Variants in RAB40A observed in about 807,000 individuals in gnomAD.
The protein encoded by RAB40A is RAB40A, member RAS oncogene family, also known as ras-related protein Rab-40A.
For missense variants in RAB40A, 145 were observed against 230.2 expected (o/e 0.63, Z 2.40); for synonymous variants, 65 against 99.9 (o/e 0.65, Z 2.08).
rs199669744 is a variant in RAB40A at position 103,500,023 on chromosome X, G to C, written c.734C>G (p.Thr245Ser). ...GAGGCTGCTCTTGTGAGTGGAGCTG[G>C]TGGTGAGGGAGTAGGAGAGGCCTCG... ...MMRGLSYSLT[T>S]SSTHKSSLCK... is the part of the protein sequence containing the mutation. Residue 245 changes from threonine to serine, a missense_variant, in exon 3 of 3, where the codon ACC becomes AGC. Physicochemically the swap from Thr to Ser is moderately conservative, Grantham distance 58 (BLOSUM62 1). Coordinates refer to ENST00000304236, the MANE Select transcript of RAB40A (RefSeq NM_080879.3). The C allele has an allele frequency of 3.4e-5, 41 of 1,209,247 alleles. No individual in the cohort carries two copies. The highest frequency in any genetic ancestry group is 2.4e-4 in the Admixed American group (11 of 45,907).
At chrX:103,501,866 G>A (rs1278969796) in intron 2 of RAB40A, 1 of 121,289 alleles carries the variant, frequency 8.2e-6, no homozygotes, top group Non-Finnish European at 1.9e-5. Flanking sequence ...AAGGCTCTGT[G>A]TGTGTCTGTG....
chrX:103,508,249 G>A (rs1371395699), intron 2 of RAB40A, among the ~76,000 whole-genome samples: 1 of 111,653 alleles, frequency 9.0e-6, no homozygotes, highest in African/African-American at 3.3e-5. Flanking sequence ...AATAGCAGGG[G>A]AGTGGAATCT....
chrX:103,509,786 A>C (rs1194862929), intron 2 of RAB40A, among the ~76,000 whole-genome samples: 3 of 103,877 alleles, frequency 2.9e-5, no homozygotes, highest in African/African-American at 1.1e-4. Flanking sequence ...TTTTTGTATA[A>C]ATGTATTAAC....
In RAB40A at chrX:103,500,573, G is replaced by A. The variant is rs2073219854; in HGVS notation, c.184C>T (p.Arg62Trp). Residue 62 changes from arginine to tryptophan, a missense_variant, in exon 3 of 3, where the codon CGG (arginine) becomes TGG (tryptophan). Transcript: ENST00000304236. ...KTTTILLDGQ[R>W]VKLKLWDTSG... Reference sequence around the variant, plus strand: ...GTATCCCAGAGCTTCAGCTTCACCCGCTGGCCGTCCAGCAGGATGGTGGTC... The same window carrying A: ...GTATCCCAGAGCTTCAGCTTCACCCACTGGCCGTCCAGCAGGATGGTGGTC... 3 of 1,211,360 alleles carry A rather than the reference G, an allele frequency of 2.5e-6. No individual in the cohort carries two copies. The highest frequency in any genetic ancestry group is 3.4e-6 in the Non-Finnish European group (3 of 895,365).
chrX:103,512,292 C>G (rs890138909), intron 2 of RAB40A, among the ~76,000 whole-genome samples: 8 of 108,663 alleles, frequency 7.4e-5, no homozygotes, highest in Non-Finnish European at 3.8e-5. Context: ...AATACAAAGC[C>G]TTAGTTTTGG....
intron 2 of RAB40A, chrX:103,501,697 T>C (rs1366061902): frequency 1.6e-5 from 2 of 123,393 alleles, no homozygotes; most frequent in African/African-American, 6.5e-5. Flanking sequence ...TGGCCAGTAA[T>C]CACAAGAAAA....
Position 103,500,291 on chromosome X carries a change from T to A in RAB40A, c.466A>T (p.Ser156Cys). 2 of 1,212,235 alleles carry A rather than the reference T, an allele frequency of 1.6e-6. No homozygotes were observed. Among genetic ancestry groups the A allele is most frequent in the African/African-American group, 1.7e-5 (1 of 57,948 alleles). Residue 156 changes from serine to cysteine, a missense_variant, in exon 3 of 3, where the codon AGC becomes TGC. Ser to Cys is a moderately radical substitution (Grantham distance 112). Transcript: ENST00000304236. ...ATGATGTTGAAATTGCACAGAGGGC[T>A]GACCTCAAAGAAGGTCACACCCAGG... is the stretch of plus-strand genomic sequence containing the variant. ...ERLGVTFFEV[S>C]PLCNFNIIES...
chrX:103,511,182 T>C (rs1432289472), intron 2 of RAB40A, among the ~76,000 whole-genome samples: 1 of 110,959 alleles, frequency 9.0e-6, no homozygotes, highest in Admixed American at 9.6e-5. Context: ...ATATACACCA[T>C]GGAATACTAT....
At chrX:103,502,130 A>C (rs1182200520) in intron 2 of RAB40A, 1 of 123,531 alleles carries the variant, frequency 8.1e-6, no homozygotes, top group Admixed American at 9.4e-5. Flanking sequence ...AGCATTGCTG[A>C]AATCTTTTTA....
At chrX:103,511,926 G>A (rs775172010) in intron 2 of RAB40A, among the ~76,000 whole-genome samples, 1 of 111,524 alleles carries the variant, frequency 9.0e-6, no homozygotes, top group Admixed American at 9.5e-5. Context: ...ACTTGTGGTC[G>A]TATAAGATAA....
chrX:103,514,898 T>A (rs945002514), intron 2 of RAB40A, among the ~76,000 whole-genome samples: 5 of 112,022 alleles, frequency 4.5e-5, no homozygotes, highest in African/African-American at 1.6e-4. Context: ...AAAAAGAGTA[T>A]TATGTTTGTA....
At chrX:103,517,103 C>T (rs905442851) in intron 2 of RAB40A, among the ~76,000 whole-genome samples, 2 of 111,632 alleles carry the variant, frequency 1.8e-5, no homozygotes, top group South Asian at 3.7e-4. Context: ...TGAAATTATA[C>T]GCTCAAAGAA....
intron 2 of RAB40A, among the ~76,000 whole-genome samples, chrX:103,515,634 T>C (rs2073312971): frequency 8.9e-6 from 1 of 112,245 alleles, no homozygotes; most frequent in African/African-American, 3.2e-5. Context: ...TGTAACTCAC[T>C]ACCATACCAT....
chrX:103,514,429 A>G (rs2073306488), intron 2 of RAB40A, among the ~76,000 whole-genome samples: 1 of 111,530 alleles, frequency 9.0e-6, no homozygotes, highest in Admixed American at 9.5e-5. Flanking sequence ...GGCTCAGCAC[A>G]GCCTTGACCT....
At chrX:103,519,176 A>G (rs1238565768) in intron 1 of RAB40A, among the ~76,000 whole-genome samples, 194 bp downstream of exon 1, 1 of 111,790 alleles carries the variant, frequency 8.9e-6, no homozygotes, top group African/African-American at 3.2e-5. Flanking sequence ...CTCTGAATCT[A>G]ACACCATTTT....
chrX:103,511,751 T>G (rs1286175280), intron 2 of RAB40A, among the ~76,000 whole-genome samples: 1 of 110,688 alleles, frequency 9.0e-6, no homozygotes, highest in Non-Finnish European at 1.9e-5. Flanking sequence ...ATGTAGATGA[T>G]GGGTTGATGG....
downstream of RAB40A, among the ~76,000 whole-genome samples, chrX:103,498,361 C>T (rs1188657689): frequency 8.9e-6 from 1 of 112,532 alleles, no homozygotes; most frequent in African/African-American, 3.2e-5. Flanking sequence ...TGACAAGGTT[C>T]TCTGTCTTTC....
At chrX:103,503,787 C>T (rs903873304) in intron 2 of RAB40A, among the ~76,000 whole-genome samples, 4 of 111,558 alleles carry the variant, frequency 3.6e-5, no homozygotes, top group African/African-American at 1.3e-4. Flanking sequence ...CTGAGATTGG[C>T]TCCAGCCCCT....
In RAB40A at chrX:103,500,804, G is replaced by A. The variant is rs1378001355; in HGVS notation, c.-48C>T. 1 of 1,177,048 alleles carries A rather than the reference G, an allele frequency of 8.5e-7. No individual in the cohort carries two copies. Among genetic ancestry groups the A allele is most frequent in the Non-Finnish European group, 1.1e-6 (1 of 879,209 alleles). ...CTGAGCCAGGCCCGCGGGGTTGTGC[G>A]CAGAGGTGGTGCCGGGCCTGTTCTT... On this transcript the variant is annotated 5_prime_UTR_variant, in exon 3 of 3. Coordinates refer to ENST00000304236, the MANE Select transcript of RAB40A (RefSeq NM_080879.3).
Sources: allele counts gnomAD v4.1 joint callset (sites outside exome capture counted in the v4.1 genomes callset), GRCh38; gene constraint gnomAD v4.1.1; transcripts MANE v1.5; gene names NCBI Gene and HGNC (gene_info 2026-07-23, HGNC 2026-07-21).